LRMDA: variants seen among roughly 807,000 people sequenced by gnomAD.
LRMDA encodes the protein leucine rich melanocyte differentiation associated.
Under a neutral mutation model 29.8 loss-of-function variants are expected in LRMDA, and 18 were observed. The observed-to-expected ratio is 0.60, with a 90% CI of 0.42 to 0.90. The LOEUF (loss-of-function observed/expected upper bound fraction) is 0.90, where lower values mean the gene tolerates loss of function less well. Among genes scored for constraint, LRMDA ranks in the 40% least tolerant of loss-of-function variants. The probability of loss-of-function intolerance (pLI) is 0.00; values close to 1 mark genes in which losing one functional copy is unlikely to be tolerated. For synonymous variants in LRMDA, 125 were observed against 109.4 expected (o/e 1.14, Z -0.89); for missense variants, 273 against 273.9 (o/e 1.00, Z 0.02).
chr10:75,860,555 C>T (rs1011500005), intron 2 of LRMDA, among the ~76,000 whole-genome samples: 2 of 152,078 alleles, frequency 1.3e-5, no homozygotes, highest in African/African-American at 4.8e-5. Context: ...CTCCTGGCCT[C>T]AAGTGATCTG....
rs539898791 is a variant in LRMDA, at chr10:75,836,842, G to A, written c.132-199166G>A. ...ATTTTCAGTCTTTAATTTTTTAACA[G>A]CATTGGCCACAGTAGGAATTTAAAT... On this transcript the variant is annotated intron_variant, in intron 2 of 6. Transcript: ENST00000611255. Among the ~76,000 whole-genome samples the A allele has an allele frequency of 4.6e-5, 7 of 152,136 alleles. No individual in the cohort carries two copies. The South Asian group carries it at 1.5e-3, about 32-fold the overall frequency.
At chr10:76,407,599 A>C (rs1335835753) in intron 6 of LRMDA, among the ~76,000 whole-genome samples, 2 of 152,178 alleles carry the variant, frequency 1.3e-5, no homozygotes, top group African/African-American at 4.8e-5. Context: ...TTTTATGATC[A>C]CTGTCAGTTT....
At chr10:76,262,256 A>G (rs1031771583) in intron 5 of LRMDA, among the ~76,000 whole-genome samples, 1 of 152,182 alleles carries the variant, frequency 6.6e-6, no homozygotes, top group Admixed American at 6.5e-5. Context: ...CTTCAAATGC[A>G]TATAACCTAA....
intron 2 of LRMDA, among the ~76,000 whole-genome samples, chr10:75,580,700 G>C (rs1715168803): frequency 6.6e-6 from 1 of 152,136 alleles, no homozygotes; most frequent in Non-Finnish European, 1.5e-5. Flanking sequence ...AAAACAGCAT[G>C]GTACTGGTAC....
chr10:75,868,232 G>C (rs1001955996), intron 2 of LRMDA, among the ~76,000 whole-genome samples: 1 of 152,126 alleles, frequency 6.6e-6, no homozygotes, highest in African/African-American at 2.4e-5. Context: ...GAGACAGAGT[G>C]GATGGGAATG....
intron 5 of LRMDA, among the ~76,000 whole-genome samples, chr10:76,235,149 A>G (rs551397154): frequency 2.0e-5 from 3 of 152,300 alleles, no homozygotes; most frequent in African/African-American, 7.2e-5. Context: ...CCTAATTTCA[A>G]TATCGTTGTG....
chr10:75,476,391 G>C (rs1844791677), intron 2 of LRMDA, among the ~76,000 whole-genome samples: 2 of 152,088 alleles, frequency 1.3e-5, no homozygotes, highest in South Asian at 4.2e-4. Context: ...TGCAGACTCA[G>C]CCCATCTAAT....
intron 5 of LRMDA, among the ~76,000 whole-genome samples, chr10:76,207,490 A>G (rs1490303821): frequency 6.6e-6 from 1 of 152,150 alleles, no homozygotes; most frequent in South Asian, 2.1e-4. Flanking sequence ...TTACTGACTT[A>G]AGTATTTATT....
At chr10:76,058,112 A>G (rs1848645366) in intron 4 of LRMDA, among the ~76,000 whole-genome samples, 1 of 152,216 alleles carries the variant, frequency 6.6e-6, no homozygotes, top group Non-Finnish European at 1.5e-5. Context: ...AAGTGTGGAA[A>G]TAACCACATG....
chr10:76,278,208 T>C (rs1201205945), intron 5 of LRMDA, among the ~76,000 whole-genome samples: 1 of 152,192 alleles, frequency 6.6e-6, no homozygotes, highest in East Asian at 1.9e-4. Flanking sequence ...GGCTCCTTCA[T>C]TGAATTCCAG....
At chr10:76,000,116 T>C (rs1158875833) in intron 2 of LRMDA, among the ~76,000 whole-genome samples, 1 of 152,092 alleles carries the variant, frequency 6.6e-6, no homozygotes, top group African/African-American at 2.4e-5. Context: ...TTTTTTTAAA[T>C]TGAGGGGAAC....
chr10:76,398,890 G>A (rs1841818295), intron 6 of LRMDA, among the ~76,000 whole-genome samples: 2 of 152,254 alleles, frequency 1.3e-5, no homozygotes, highest in South Asian at 4.1e-4. Flanking sequence ...TGGAAAATTT[G>A]GGTCTTTGGG....
At chr10:75,782,364 A>G (rs1165739591) in intron 2 of LRMDA, among the ~76,000 whole-genome samples, 1 of 152,178 alleles carries the variant, frequency 6.6e-6, no homozygotes, top group Non-Finnish European at 1.5e-5. Context: ...CACCTTTTTA[A>G]AATAAGTTCA....
chr10:76,286,272 C>T (rs1436250450), intron 5 of LRMDA, among the ~76,000 whole-genome samples: 3 of 152,156 alleles, frequency 2.0e-5, no homozygotes, highest in Non-Finnish European at 1.5e-5. Context: ...CAGTTTGTCA[C>T]CGATGCATTA....
At chr10:75,532,923 A>C (rs1397062542) in intron 2 of LRMDA, among the ~76,000 whole-genome samples, 1 of 152,170 alleles carries the variant, frequency 6.6e-6, no homozygotes, top group Non-Finnish European at 1.5e-5. Flanking sequence ...AGCAATTAAA[A>C]GATGTTTGTC....
rs182755290 is a variant in LRMDA at position 76,309,206 on chromosome 10, T to C, written c.517-15195T>C. Among the ~76,000 whole-genome samples the C allele has an allele frequency of 1.9e-3, 292 of 152,196 alleles. 1 individual carries two copies. Among genetic ancestry groups the C allele is most frequent in the Non-Finnish European group, 3.5e-3 (237 of 68,006 alleles). ...TCTGAATTAATCTTCTGAGGAAGAA[T>C]GTTTGATCAGCGGGGAGGAGGGGAT... On this transcript the variant is annotated intron_variant, in intron 5 of 6. Transcript: ENST00000611255.
intron 2 of LRMDA, among the ~76,000 whole-genome samples, chr10:75,802,552 T>C (rs1357604566): frequency 3.3e-5 from 5 of 152,344 alleles, no homozygotes; most frequent in Middle Eastern, 6.8e-3. Context: ...GATAGCTGGT[T>C]TGTTTTACAG....
intron 6 of LRMDA, among the ~76,000 whole-genome samples, chr10:76,353,941 G>A (rs1220206426): frequency 6.6e-6 from 1 of 152,096 alleles, no homozygotes; most frequent in Non-Finnish European, 1.5e-5. Flanking sequence ...TGCTTTCTGT[G>A]ATCTGGAGAA....
intron 2 of LRMDA, among the ~76,000 whole-genome samples, chr10:75,692,215 AAAAAATATAT>A (rs1237017911): frequency 1.4e-3 from 61 of 43,940 alleles, no homozygotes; most frequent in Admixed American, 8.2e-3. Context: ...GGGGAAAAAA[AAAAAATATAT>A]ATATATATAT....
Sources: gnomAD v4.1 joint callset for allele counts (sites outside exome capture counted in the v4.1 genomes callset) on GRCh38, gnomAD v4.1.1 for gene constraint, MANE v1.5 for transcripts, NCBI Gene and HGNC (gene_info 2026-07-23, HGNC 2026-07-21) for gene names.